The following ABCC11 variants were observed in gnomAD, a reference collection of about 807,000 sequenced individuals.
ABCC11 encodes the protein ATP-binding cassette sub-family C member 11.
Under a neutral mutation model 149.3 loss-of-function variants are expected in ABCC11, and 135 were observed. The observed-to-expected ratio is 0.90, with a 90% CI of 0.79 to 1.04. The LOEUF is 1.04. Among genes scored for constraint, ABCC11 ranks in the 50% least tolerant of loss-of-function variants. ABCC11 has a pLI of 0.00. For synonymous variants in ABCC11, 665 were observed against 671.4 expected (o/e 0.99, Z 0.15); for missense variants, 1,680 against 1,722.1 (o/e 0.98, Z 0.43).
chr16:48,215,129 A>G (rs1353408600), intron 8 of ABCC11, 68 bp downstream of exon 8: 8 of 1,583,410 alleles, frequency 5.1e-6, no homozygotes, highest in South Asian at 2.3e-5. Flanking sequence ...AAAATCCTCA[A>G]GAGGTGAGAG....
chr16:48,197,949 G>C (rs770912642), intron 17 of ABCC11, 22 bp downstream of exon 17: 1 of 1,611,720 alleles, frequency 6.2e-7, no homozygotes, highest in Non-Finnish European at 8.5e-7. Context: ...AGACATTCTT[G>C]TCCTATCTCC....
chr16:48,170,838 C>A, intron 27 of ABCC11, 51 bp downstream of exon 27: 4 of 1,543,212 alleles, frequency 2.6e-6, no homozygotes, highest in Non-Finnish European at 3.6e-6. Flanking sequence ...GGGGCAGCCC[C>A]CCATGGGCGA....
At chr16:48,175,754 T>C (rs1470272402) in intron 25 of ABCC11, among the ~76,000 whole-genome samples, 1 of 152,202 alleles carries the variant, frequency 6.6e-6, no homozygotes, top group East Asian at 1.9e-4. Context: ...TCAAATTGCA[T>C]GTTTCTCTTG....
At position 48,231,924 on chromosome 16, in the gene ABCC11, T is replaced by G. The variant is rs374828319; in HGVS notation, c.-3A>C. The G allele has an allele frequency of 6.2e-7, 1 of 1,614,042 alleles. No homozygotes were observed. Among genetic ancestry groups the G allele is most frequent in the Non-Finnish European group, 8.5e-7 (1 of 1,179,934 alleles). On this transcript the variant is annotated 5_prime_UTR_variant, in exon 2 of 30. Transcript: ENST00000356608. ...CAGTATGTCCTCTTCCTAGTCATTT[T>G]CAGTTCCTGCCAATTCTTCGTTTCC...
At position 48,167,019 on chromosome 16, in the gene ABCC11, G is replaced by C. The variant is rs914397652; in HGVS notation, c.*255C>G. ...ACCTTATTATAAAATTATTCAGCAT[G>C]TAAGTTAAAAGGAGAACCACATGAT... On this transcript the variant is annotated 3_prime_UTR_variant, in exon 30 of 30. Transcript: ENST00000356608. 1.2e-5 allele frequency: 6 copies of C among 485,018 alleles called. No individual in the cohort carries two copies. Among genetic ancestry groups the C allele is most frequent in the Middle Eastern group, 5.6e-4 (1 of 1,794 alleles). 30.0% of individuals were successfully genotyped at this position (485,018 alleles called of 1,614,324 possible).
intron 10 of ABCC11, among the ~76,000 whole-genome samples, chr16:48,212,520 G>A (rs1422522661): frequency 3.9e-5 from 6 of 152,310 alleles, no homozygotes; most frequent in Admixed American, 1.3e-4. Flanking sequence ...GGCCGCATGC[G>A]ACCTGTGACC....
intron 24 of ABCC11, among the ~76,000 whole-genome samples, chr16:48,177,562 AACAACTTACTTAACGTAAGTTCC>A (rs1190084391): frequency 1.8e-4 from 27 of 152,250 alleles, no homozygotes; most frequent in African/African-American, 4.6e-4. Context: ...ACTTAAGATC[AACAACTTACTTAACGTAAGTTCC>A]ACAACTTACT....
At position 48,187,393 on chromosome 16, in the gene ABCC11, A is replaced by T; in HGVS notation, c.2741T>A (p.Ile914Asn). Reference sequence around the variant, plus strand: ...GCAGTTCAAAAGCCGGCCTATTGGGATGGTGTCAAAGAAACTCATGGGGCA... The same window carrying T: ...GCAGTTCAAAAGCCGGCCTATTGGGTTGGTGTCAAAGAAACTCATGGGGCA... ...FRCPMSFFDT[I>N]PIGRLLNCFA... The change falls in exon 21 of 30, where the codon ATC (isoleucine) becomes AAC (asparagine). Residue 914 changes from isoleucine (I) to asparagine (N), a missense_variant. By Grantham distance (149) the Ile-to-Asn change is moderately radical. Coordinates refer to ENST00000356608, the MANE Select transcript of ABCC11 (RefSeq NM_001370497.1). The T allele has an allele frequency of 6.2e-7, 1 of 1,613,956 alleles. No homozygotes were observed.
Position 48,197,868 on chromosome 16 carries a change from C to G in ABCC11, c.2314+103G>C, listed in dbSNP as rs1262105601. 5 of 1,254,680 alleles carry G rather than the reference C, an allele frequency of 4.0e-6. No individual in the cohort carries two copies. The African/African-American group carries it at 7.4e-5, about 18-fold the overall frequency. 77.7% of individuals were successfully genotyped at this position (1,254,680 alleles called of 1,614,324 possible). On this transcript the variant is annotated intron_variant, in intron 17 of 29. Transcript: ENST00000356608. ...TGTAAATGCTTAGGGTCTCAAGACA[C>G]TGAGGGACATGGCCCAGTCTGGGGT...
intron 1 of ABCC11, among the ~76,000 whole-genome samples, chr16:48,237,885 C>G (rs956272179): frequency 6.6e-6 from 1 of 152,212 alleles, no homozygotes; most frequent in East Asian, 1.9e-4. Flanking sequence ...CTTTCTCATA[C>G]TGCAGGGCTC....
At chr16:48,243,993 G>GAATAAATAAATAAATAAATAAATAAATA in intron 1 of ABCC11, among the ~76,000 whole-genome samples, 1 of 150,862 alleles carries the variant, frequency 6.6e-6, no homozygotes, top group African/African-American at 2.4e-5. Context: ...ATCTGTCTCA[G>GAATAAATAAATAAATAAATAAATAAATA]AATAAATAAA....
Position 48,244,537 on chromosome 16 carries a change from C to T in ABCC11, c.-19+2777G>A, listed in dbSNP as rs779976117. The T allele has an allele frequency of 2.6e-6, 4 of 1,568,394 alleles. No individual in the cohort carries two copies. In the South Asian group the frequency reaches 3.5e-5, roughly 14 times the overall value. ...GTGCGGAGCCGCCTTCTGAAGGGCA[C>T]GTCGCTGCAAAGCACCATCCTGGGC... On this transcript the variant is annotated intron_variant, in intron 1 of 29. Coordinates refer to ENST00000356608, the MANE Select transcript of ABCC11 (RefSeq NM_001370497.1).
intron 4 of ABCC11, among the ~76,000 whole-genome samples, chr16:48,226,715 A>G (rs561249224): frequency 6.6e-6 from 1 of 152,286 alleles, no homozygotes; most frequent in African/African-American, 2.4e-5. Context: ...TTTCTTACCA[A>G]ATAGGTCTGA....
intron 28 of ABCC11, among the ~76,000 whole-genome samples, chr16:48,168,143 A>G (rs1965456517): frequency 6.6e-6 from 1 of 152,192 alleles, no homozygotes; most frequent in Non-Finnish European, 1.5e-5. Flanking sequence ...GATTTCACAA[A>G]TGGCACTGCT....
intron 4 of ABCC11, among the ~76,000 whole-genome samples, chr16:48,227,392 T>C (rs1970140942): frequency 6.6e-6 from 1 of 150,954 alleles, no homozygotes; most frequent in African/African-American, 2.4e-5. Flanking sequence ...GAGACTCACT[T>C]GAACCCAGGA....
intron 17 of ABCC11, among the ~76,000 whole-genome samples, chr16:48,197,021 T>C (rs1458122600): frequency 6.8e-6 from 1 of 146,892 alleles, no homozygotes; most frequent in African/African-American, 2.5e-5. Flanking sequence ...GAGTAGGTTT[T>C]CTTCAAAAAG....
At chr16:48,197,435 G>A (rs980469179) in intron 17 of ABCC11, among the ~76,000 whole-genome samples, 1 of 152,208 alleles carries the variant, frequency 6.6e-6, no homozygotes, top group Non-Finnish European at 1.5e-5. Context: ...ATTCAGAGAG[G>A]TTAAGTTAGA....
At chr16:48,215,743 C>T (rs917879963) in intron 7 of ABCC11, among the ~76,000 whole-genome samples, 4 of 152,138 alleles carry the variant, frequency 2.6e-5, no homozygotes, top group Admixed American at 1.3e-4. Context: ...AATATGCTTC[C>T]CTTTCCCCAT....
intron 23 of ABCC11, among the ~76,000 whole-genome samples, chr16:48,181,847 T>C (rs573648291): frequency 2.0e-5 from 3 of 152,342 alleles, no homozygotes; most frequent in Admixed American, 2.0e-4. Flanking sequence ...TCTCCTGACC[T>C]CGTGATCCAC....
Sources: gnomAD v4.1 joint callset for allele counts (sites outside exome capture counted in the v4.1 genomes callset) on GRCh38, gnomAD v4.1.1 for gene constraint, MANE v1.5 for transcripts, NCBI Gene and HGNC (gene_info 2026-07-23, HGNC 2026-07-21) for gene names.